HDX: variants seen among roughly 807,000 people sequenced by gnomAD.
The protein encoded by HDX is highly divergent homeobox, also known as chromosome X open reading frame 43.
In HDX, 19 loss-of-function variants were observed where a neutral mutation model predicts 45.2. The observed-to-expected ratio is 0.42, with a 90% CI of 0.29 to 0.62. The LOEUF (loss-of-function observed/expected upper bound fraction) is 0.62. HDX is among the 20% of genes least tolerant of loss of function. HDX has a pLI of 0.20. For synonymous variants in HDX, 188 were observed against 172.8 expected, an observed-to-expected ratio of 1.09 and a Z score of -0.69; for missense variants, 532 against 493.9, an observed-to-expected ratio of 1.08 and a Z score of -0.73.
intron 5 of HDX, among the ~76,000 whole-genome samples, chrX:84,386,899 T>G (rs2038333214): frequency 9.0e-6 from 1 of 111,389 alleles, no homozygotes; most frequent in African/African-American, 3.3e-5. Flanking sequence ...GGTTGATTTG[T>G]TTCTTTTTTT....
At chrX:84,478,523 G>A in intron 2 of HDX, among the ~76,000 whole-genome samples, 1 of 111,638 alleles carries the variant, frequency 9.0e-6, no homozygotes. Context: ...TAATGCCCCA[G>A]CTAATTAAAA....
chrX:84,478,666 C>A (rs947278099), intron 2 of HDX, among the ~76,000 whole-genome samples: 3 of 111,114 alleles, frequency 2.7e-5, no homozygotes, highest in Admixed American at 1.9e-4. Flanking sequence ...CCAGCTTGGG[C>A]AGCATGGTGA....
chrX:84,367,363 G>A (rs2037783996), intron 5 of HDX, among the ~76,000 whole-genome samples: 1 of 112,306 alleles, frequency 8.9e-6, no homozygotes, highest in African/African-American at 3.2e-5. Flanking sequence ...AGATGCTGGA[G>A]AGGATGTGAA....
At chrX:84,424,561 T>C (rs778961217) in intron 5 of HDX, among the ~76,000 whole-genome samples, 100 of 111,667 alleles carry the variant, frequency 9.0e-4, no homozygotes, top group African/African-American at 3.1e-3. Flanking sequence ...CTTCAAATTA[T>C]ACTACAGTGC....
chrX:84,375,540 T>A (rs2038029842), intron 5 of HDX, among the ~76,000 whole-genome samples: 1 of 112,060 alleles, frequency 8.9e-6, no homozygotes, highest in African/African-American at 3.3e-5. Context: ...GTGGCACATA[T>A]ACACCATGGA....
chrX:84,429,826 A>G (rs928009558), intron 5 of HDX, among the ~76,000 whole-genome samples: 1 of 110,521 alleles, frequency 9.0e-6, no homozygotes, highest in Non-Finnish European at 1.9e-5. Flanking sequence ...TACATTCTAC[A>G]AAGTTGAGAA....
intron 5 of HDX, among the ~76,000 whole-genome samples, chrX:84,388,218 A>G (rs1231401381): frequency 9.2e-6 from 1 of 108,638 alleles, no homozygotes; most frequent in Non-Finnish European, 1.9e-5. Context: ...CCTTTTTTCT[A>G]GCTGCCTTTA....
intron 5 of HDX, among the ~76,000 whole-genome samples, chrX:84,402,606 C>T (rs1220956947): frequency 9.0e-6 from 1 of 111,225 alleles, no homozygotes; most frequent in East Asian, 2.8e-4. Context: ...TTTCCATCTC[C>T]TGTTTTTTTT....
intron 5 of HDX, among the ~76,000 whole-genome samples, chrX:84,395,533 G>A (rs986159677): frequency 1.2e-4 from 13 of 110,784 alleles, no homozygotes; most frequent in Admixed American, 2.9e-4. Flanking sequence ...AGAAAGTTTC[G>A]CTAAATTGTG....
At chrX:84,448,468 C>T (rs2039923131) in intron 4 of HDX, among the ~76,000 whole-genome samples, 1 of 111,092 alleles carries the variant, frequency 9.0e-6, no homozygotes, top group African/African-American at 3.3e-5. Flanking sequence ...CTGTTCCCAG[C>T]AAAACTTCAA....
intron 5 of HDX, among the ~76,000 whole-genome samples, chrX:84,398,014 T>A (rs1044486438): frequency 9.1e-6 from 1 of 110,163 alleles, no homozygotes; most frequent in African/African-American, 3.3e-5. Flanking sequence ...ATCCTGGGAC[T>A]GACTAGGTAG....
intron 2 of HDX, among the ~76,000 whole-genome samples, chrX:84,484,417 G>A (rs1188344598): frequency 9.0e-6 from 1 of 111,466 alleles, no homozygotes; most frequent in Non-Finnish European, 1.9e-5. Flanking sequence ...AAAAGAATGA[G>A]AACCAAGTGA....
At chrX:84,333,122 T>C (rs1453077182) in intron 9 of HDX, among the ~76,000 whole-genome samples, 2 of 111,739 alleles carry the variant, frequency 1.8e-5, no homozygotes, top group African/African-American at 3.2e-5. Context: ...CCTAGTAAGA[T>C]AGGATAATGA....
chrX:84,435,788 G>T (rs1216289874), intron 5 of HDX, among the ~76,000 whole-genome samples: 1 of 106,899 alleles, frequency 9.4e-6, no homozygotes, highest in African/African-American at 3.4e-5. Context: ...ACAGGTGCTG[G>T]AGAGGATGTG....
chrX:84,390,095 C>A (rs1216558435), intron 5 of HDX, among the ~76,000 whole-genome samples: 1 of 110,320 alleles, frequency 9.1e-6, no homozygotes, highest in African/African-American at 3.3e-5. Flanking sequence ...CTCCAAAGAT[C>A]TTCCCACATT....
chrX:84,485,961 A>G (rs1355843210), intron 2 of HDX, among the ~76,000 whole-genome samples: 5 of 111,727 alleles, frequency 4.5e-5, no homozygotes, highest in African/African-American at 1.3e-4. Flanking sequence ...TTTCTTTTAT[A>G]AAACATATAG....
chrX:84,360,433 C>T (rs978724631), intron 6 of HDX, among the ~76,000 whole-genome samples: 54 of 111,401 alleles, frequency 4.8e-4, no homozygotes, highest in African/African-American at 1.7e-3. Flanking sequence ...TTTAAAACAC[C>T]ACACAATTCA....
At chrX:84,413,648 A>G (rs1313157655) in intron 5 of HDX, among the ~76,000 whole-genome samples, 1 of 111,804 alleles carries the variant, frequency 8.9e-6, no homozygotes, top group African/African-American at 3.2e-5. Context: ...GGAGAGGAAA[A>G]TGAGACTTTT....
chrX:84,472,926 T>G (rs62613291), intron 3 of HDX, among the ~76,000 whole-genome samples: 15 of 109,701 alleles, frequency 1.4e-4, no homozygotes, highest in Non-Finnish European at 2.7e-4. Flanking sequence ...GCTTATAAGA[T>G]GTAAATGATT....
Sources: gnomAD v4.1 joint callset for allele counts (sites outside exome capture counted in the v4.1 genomes callset) on GRCh38, gnomAD v4.1.1 for gene constraint, MANE v1.5 for transcripts, NCBI Gene and HGNC (gene_info 2026-07-23, HGNC 2026-07-21) for gene names.